NKAIN2: variants seen among roughly 807,000 people sequenced by gnomAD.
NKAIN2 encodes sodium/potassium transporting ATPase interacting 2.
Under a neutral mutation model 32.6 loss-of-function variants are expected in NKAIN2, and 14 were observed. The observed-to-expected ratio is 0.43, with a 90% confidence interval of 0.28 to 0.67. NKAIN2 has a LOEUF of 0.67. NKAIN2 is among the 30% of genes least tolerant of loss of function. The pLI is 0.17. For missense variants in NKAIN2, 198 were observed against 258.3 expected (o/e 0.77, Z 1.60); for synonymous variants, 80 against 87.2 (o/e 0.92, Z 0.46).
chr6:123,863,714 G>C (rs530278043), intron 1 of NKAIN2, among the ~76,000 whole-genome samples: 51 of 152,232 alleles, frequency 3.4e-4, no homozygotes, highest in African/African-American at 1.1e-3. Context: ...CCAGCACCTA[G>C]GCCCATATGC....
In NKAIN2 at chr6:123,969,507, A is replaced by G. The variant is rs114169182; in HGVS notation, c.54+165253A>G. On this transcript the variant is annotated intron_variant, in intron 1 of 6. Coordinates refer to ENST00000368417, the MANE Select transcript of NKAIN2 (RefSeq NM_001040214.3). ...TAGACCTAAATGAAGGGACCGTTGC[A>G]CTAGCTCAGTAATGCCGGAGCCAGA... Among the ~76,000 whole-genome samples the G allele has an allele frequency of 4.1e-3, 630 of 152,306 alleles. 4 individuals are homozygous for G. Among genetic ancestry groups the G allele is most frequent in the African/African-American group, 0.014 (597 of 41,576 alleles).
intron 1 of NKAIN2, among the ~76,000 whole-genome samples, chr6:123,988,453 G>A (rs895084962): frequency 3.3e-5 from 5 of 152,236 alleles, no homozygotes; most frequent in East Asian, 1.9e-4. Context: ...TCTCAGATAC[G>A]GTGAGTGCAG....
At chr6:123,978,077 C>G (rs1375971664) in intron 1 of NKAIN2, among the ~76,000 whole-genome samples, 2 of 152,170 alleles carry the variant, frequency 1.3e-5, no homozygotes, top group Admixed American at 1.3e-4. Flanking sequence ...TTAAGAAACA[C>G]TCCTTTCCAT....
chr6:124,486,941 G>A (rs186463175), intron 3 of NKAIN2, among the ~76,000 whole-genome samples: 5 of 152,202 alleles, frequency 3.3e-5, no homozygotes, highest in Admixed American at 1.3e-4. Flanking sequence ...GTTTTATCAA[G>A]GTGATAAGTC....
intron 3 of NKAIN2, among the ~76,000 whole-genome samples, chr6:124,450,679 G>A (rs1185508892): frequency 6.6e-6 from 1 of 151,702 alleles, no homozygotes; most frequent in Non-Finnish European, 1.5e-5. Flanking sequence ...TTCTGAGATT[G>A]GAAAAGCATT....
chr6:124,806,211 A>T (rs1780548118), intron 5 of NKAIN2, among the ~76,000 whole-genome samples: 1 of 152,202 alleles, frequency 6.6e-6, no homozygotes, highest in Admixed American at 6.5e-5. Flanking sequence ...GTTGAAATGA[A>T]GGAAAAAATG....
At chr6:124,029,225 G>A (rs983694282) in intron 1 of NKAIN2, among the ~76,000 whole-genome samples, 4 of 151,630 alleles carry the variant, frequency 2.6e-5, no homozygotes, top group Admixed American at 6.6e-5. Flanking sequence ...CTATTGTGAC[G>A]GAAAGTGCTT....
chr6:123,936,598 A>C (rs1470422366), intron 1 of NKAIN2, among the ~76,000 whole-genome samples: 2 of 152,134 alleles, frequency 1.3e-5, no homozygotes, highest in African/African-American at 2.4e-5. Context: ...GAGGAGTAAT[A>C]ATATAAAGAT....
intron 1 of NKAIN2, among the ~76,000 whole-genome samples, chr6:123,854,199 T>C (rs772105881): frequency 2.0e-5 from 3 of 152,230 alleles, no homozygotes; most frequent in Non-Finnish European, 4.4e-5. Flanking sequence ...AAATTTGAAA[T>C]ATACTTTGTT....
At chr6:124,288,543 G>C (rs770044689) in intron 2 of NKAIN2, among the ~76,000 whole-genome samples, 1 of 152,116 alleles carries the variant, frequency 6.6e-6, no homozygotes, top group Non-Finnish European at 1.5e-5. Flanking sequence ...ATTCATGCGG[G>C]AAAACAATAA....
At chr6:124,151,696 A>G (rs1401783233) in intron 1 of NKAIN2, among the ~76,000 whole-genome samples, 1 of 152,024 alleles carries the variant, frequency 6.6e-6, no homozygotes, top group Non-Finnish European at 1.5e-5. Flanking sequence ...CAATCTAACT[A>G]GTATATCACA....
In NKAIN2 at chr6:123,936,785, A is replaced by G. The variant is rs114719328; in HGVS notation, c.54+132531A>G. On this transcript the variant is annotated intron_variant, in intron 1 of 6. Transcript: ENST00000368417. ...TGCATGAGCAATTTATGGAACTATC[A>G]TCCAGTGAACAAAAGACAGGATAAC... 1.5e-3 allele frequency among the ~76,000 whole-genome samples: 228 copies of G among 152,226 alleles called. 2 individuals are homozygous for G. The highest frequency in any genetic ancestry group is 5.4e-3 in the African/African-American group (224 of 41,566).
intron 1 of NKAIN2, among the ~76,000 whole-genome samples, chr6:124,233,794 A>G (rs1304797300): frequency 6.6e-6 from 1 of 152,218 alleles, no homozygotes. Context: ...TGCAGTAACA[A>G]GAATGAAATC....
rs183051615 is a variant in NKAIN2 at position 124,513,167 on chromosome 6, C to T, written c.274-145019C>T. On this transcript the variant is annotated intron_variant, in intron 3 of 6. Coordinates refer to ENST00000368417, the MANE Select transcript of NKAIN2 (RefSeq NM_001040214.3). ...CCAAAATATTATGAAAAACATTAAA[C>T]TAAAATAATGTGAAAAGTTTCTAAT... Among the ~76,000 whole-genome samples the T allele has an allele frequency of 2.6e-5, 4 of 152,212 alleles. No homozygotes were observed. In the East Asian group the frequency reaches 7.7e-4, roughly 29 times the overall value.
At chr6:123,967,094 T>C (rs1057062093) in intron 1 of NKAIN2, among the ~76,000 whole-genome samples, 6 of 152,218 alleles carry the variant, frequency 3.9e-5, no homozygotes, top group Non-Finnish European at 8.8e-5. Context: ...AGGACTGCTC[T>C]TTAAGTGTAA....
At chr6:124,649,009 A>G (rs1583580336) in intron 3 of NKAIN2, among the ~76,000 whole-genome samples, 1 of 152,204 alleles carries the variant, frequency 6.6e-6, no homozygotes, top group Non-Finnish European at 1.5e-5. Context: ...AGGGAAATTT[A>G]TAGCATTGAA....
chr6:124,118,132 G>A (rs1321247136), intron 1 of NKAIN2, among the ~76,000 whole-genome samples: 1 of 152,090 alleles, frequency 6.6e-6, no homozygotes, highest in Non-Finnish European at 1.5e-5. Context: ...CATAGGAATA[G>A]ATTCTTGTCA....
At chr6:124,462,671 T>C (rs1010455139) in intron 3 of NKAIN2, among the ~76,000 whole-genome samples, 1 of 152,172 alleles carries the variant, frequency 6.6e-6, no homozygotes, top group Admixed American at 6.6e-5. Context: ...TTATACCAAA[T>C]TTTTAAAGTA....
At chr6:124,301,360 C>A (rs146716293) in intron 2 of NKAIN2, among the ~76,000 whole-genome samples, 4 of 152,182 alleles carry the variant, frequency 2.6e-5, no homozygotes, top group African/African-American at 9.6e-5. Context: ...GTCCTGCAGG[C>A]GCAGAACCCT....
Sources: gnomAD v4.1 joint callset for allele counts (sites outside exome capture counted in the v4.1 genomes callset) on GRCh38, gnomAD v4.1.1 for gene constraint, MANE v1.5 for transcripts, NCBI Gene and HGNC (gene_info 2026-07-23, HGNC 2026-07-21) for gene names.